Variants in IBA57 observed in about 807,000 individuals in gnomAD.
IBA57 encodes iron-sulfur cluster assembly factor IBA57, also known as iron-sulfur cluster assembly factor IBA57, mitochondrial.
Under a neutral mutation model 20.4 loss-of-function variants are expected in IBA57, and 20 were observed. The ratio of observed to expected loss-of-function variants is 0.98; its 90% CI spans 0.69 to 1.42. The LOEUF is 1.42. Ranked by LOEUF, IBA57 falls within the 40% of genes most tolerant of loss-of-function variation. IBA57 has a pLI of 0.00. For synonymous variants in IBA57, 310 were observed against 233.9 expected, an observed-to-expected ratio of 1.33 and a Z score of -2.97; for missense variants, 608 against 499.3, an observed-to-expected ratio of 1.22 and a Z score of -2.07.
At position 228,167,609 on chromosome 1, in the gene IBA57, G is replaced by A. The variant is rs539039834; in HGVS notation, c.341+1452G>A. Among the ~76,000 whole-genome samples the A allele has an allele frequency of 4.5e-4, 68 of 152,172 alleles. No individual in the cohort carries two copies. In the South Asian group the frequency reaches 0.012, roughly 27 times the overall value. ...TGACCTCAGGTGATCCACCCGCCTC[G>A]GCCTCCCAAAGTGCAGGGATTACAG... On this transcript the variant is annotated intron_variant, in intron 1 of 2. Coordinates refer to ENST00000366711, the MANE Select transcript of IBA57 (RefSeq NM_001010867.4).
chr1:228,174,832 C>T lies in IBA57; in HGVS notation c.482C>T (p.Ala161Val), dbSNP rs777829025. ...CCGCACCCGGAGCTGCGAGTGTGGG[C>T]GGTGTTGCCCAGTTCCCCTGAGGCC... is the stretch of plus-strand genomic sequence containing the variant. ...VEPHPELRVW[A>V]VLPSSPEACG... The change falls in exon 2 of 3, where the codon GCG (alanine) becomes GTG (valine). Residue 161 changes from alanine to valine, a missense_variant. Physicochemically the swap from Ala to Val is moderately conservative, Grantham distance 64. Coordinates refer to ENST00000366711, the MANE Select transcript of IBA57 (RefSeq NM_001010867.4). 2 of 1,610,202 alleles carry T rather than the reference C, an allele frequency of 1.2e-6. No homozygotes were observed. The highest frequency in any genetic ancestry group is 8.5e-7 in the Non-Finnish European group (1 of 1,179,126).
rs191426321 is a variant in IBA57 at position 228,176,002 on chromosome 1, A to G, written c.*489A>G. On this transcript the variant is annotated 3_prime_UTR_variant, in exon 3 of 3. Transcript: ENST00000366711. ...TTCCAGCATGTCTCAGGGTGGGGCT[A>G]TGCGTGGTCTAGAGGGGTCTGGGGC... The G allele has an allele frequency of 9.2e-4, 146 of 158,432 alleles. 2 individuals carry two copies. In the East Asian group the frequency reaches 0.015, roughly 17 times the overall value. 9.8% of individuals were successfully genotyped at this position (158,432 alleles called of 1,614,324 possible). A position where few individuals can be genotyped will look rare whatever the true frequency, so the allele number is the denominator to read the frequency against.
Position 228,170,307 on chromosome 1 carries a change from G to T in IBA57, c.341+4150G>T, listed in dbSNP as rs1217808270. On this transcript the variant is annotated intron_variant, in intron 1 of 2. Coordinates refer to ENST00000366711, the MANE Select transcript of IBA57 (RefSeq NM_001010867.4). This position sits in a 1 kb window ranked among gnomAD's most constrained non-coding sequence, Gnocchi z 4.8. ...ATAAAGCTGCTGTAAACATCCATGT[G>T]CAGATTTTCATATGGGTCTGAGTTT... Among the ~76,000 whole-genome samples, 1 of 152,188 alleles carries T rather than the reference G, an allele frequency of 6.6e-6. No individual in the cohort carries two copies. The highest frequency in any genetic ancestry group is 1.5e-5 in the Non-Finnish European group (1 of 68,040).
At position 228,166,150 on chromosome 1, in the gene IBA57, T is replaced by G. The variant is rs1285160930; in HGVS notation, c.334T>G (p.Leu112Val). ...VQGRTLYDVILYGLQEHSEVS... is the reference protein window; with the variant it reads ...VQGRTLYDVIVYGLQEHSEVS... Reference sequence around the variant, plus strand: ...GGGCCGGACGCTCTATGACGTCATCTTGTACGGGTGAGCGCGTGCTGGGAG... The same window carrying G: ...GGGCCGGACGCTCTATGACGTCATCGTGTACGGGTGAGCGCGTGCTGGGAG... Residue 112 changes from leucine (L) to valine (V), a missense_variant, in exon 1 of 3, where the codon TTG becomes GTG. Physicochemically the swap from Leu to Val is conservative, Grantham distance 32 (BLOSUM62 1). Transcript: ENST00000366711. 3.3e-6 allele frequency: 5 copies of G among 1,507,116 alleles called. No individual in the cohort carries two copies. Among genetic ancestry groups the G allele is most frequent in the East Asian group, 2.6e-5 (1 of 38,152 alleles). The allele number at this position is 1,507,116 out of a possible 1,614,324, so 93.4% of individuals were successfully genotyped here. A position where few individuals can be genotyped will look rare whatever the true frequency, so the allele number is the denominator to read the frequency against.
In IBA57 at chr1:228,175,595, T is replaced by C. The variant is rs901321996; in HGVS notation, c.*82T>C. On this transcript the variant is annotated 3_prime_UTR_variant, in exon 3 of 3. Coordinates refer to ENST00000366711, the MANE Select transcript of IBA57 (RefSeq NM_001010867.4). The stretch of plus-strand genomic sequence containing the variant: ...CTCTGTCCAGGGTCTTCCCGTCCCA[T>C]CTGTCTGCTGCGCCTACTGGGTGGG... 6.8e-7 allele frequency: 1 copy of C among 1,468,164 alleles called. No individual in the cohort carries two copies. The highest frequency in any genetic ancestry group is 2.4e-5 in the Admixed American group (1 of 42,238). The allele number at this position is 1,468,164 out of a possible 1,614,324, so 90.9% of individuals were successfully genotyped here.
At chr1:228,174,062 G>C (rs1169228750) in intron 1 of IBA57, among the ~76,000 whole-genome samples, 1 of 152,058 alleles carries the variant, frequency 6.6e-6, no homozygotes, top group Non-Finnish European at 1.5e-5. Flanking sequence ...GGTCTCCAAG[G>C]TGCCCGCATC....
chr1:228,165,893 C>T lies in IBA57; in HGVS notation c.77C>T (p.Ala26Val), dbSNP rs751211990. The T allele has an allele frequency of 7.9e-6, 11 of 1,400,606 alleles. No homozygotes were observed. In the African/African-American group the frequency reaches 1.2e-4, roughly 15 times the overall value. The allele number at this position is 1,400,606 out of a possible 1,614,324, so 86.8% of individuals were successfully genotyped here. A position where few individuals can be genotyped will look rare whatever the true frequency, so the allele number is the denominator to read the frequency against. Reference protein sequence around the residue: ...GPVWRWRLRAAPRCRLAHSSC... With the variant: ...GPVWRWRLRAVPRCRLAHSSC... ...GTCTGGCGCTGGCGGCTGCGCGCGG[C>T]CCCAAGGTGCCGCCTGGCCCACAGC... The change falls in exon 1 of 3, where the codon GCC becomes GTC. Residue 26 changes from alanine (A) to valine (V), a missense_variant. Coordinates refer to ENST00000366711, the MANE Select transcript of IBA57 (RefSeq NM_001010867.4).
chr1:228,179,271 GA>G lies in IBA57; in HGVS notation c.*3762del, dbSNP rs2124980106. The G allele has an allele frequency of 6.6e-6, 1 of 152,102 alleles. No homozygotes were observed. Among genetic ancestry groups the G allele is most frequent in the East Asian group, 1.9e-4 (1 of 5,168 alleles). The allele number at this position is 152,102 out of a possible 1,614,324, so 9.4% of individuals were successfully genotyped here. ...AATGAGGATGTTTAATATATTTAAAGAAAACAATTTATGCACAGGAAGCAAG... is the reference window on the plus strand; with the variant it reads ...AATGAGGATGTTTAATATATTTAAAGAAACAATTTATGCACAGGAAGCAAG... On this transcript the variant is annotated 3_prime_UTR_variant, in exon 3 of 3. Coordinates refer to ENST00000366711, the MANE Select transcript of IBA57 (RefSeq NM_001010867.4).
chr1:228,174,743 G>T lies in IBA57; in HGVS notation c.393G>T (p.Ser131=). 6.2e-7 allele frequency: 1 copy of T among 1,602,846 alleles called. No individual in the cohort carries two copies. Among genetic ancestry groups the T allele is most frequent in the Non-Finnish European group, 8.5e-7 (1 of 1,176,644 alleles). The change falls in exon 2 of 3, where the codon TCG becomes TCT. Residue 131 remains serine (S), a synonymous_variant. Coordinates refer to ENST00000366711, the MANE Select transcript of IBA57 (RefSeq NM_001010867.4). ...VSGFLLECDS[S]VQGALQKHLA... ...GCTTCCTTCTGGAGTGTGACAGCTCGGTGCAGGGCGCGCTGCAGAAGCACC... is the reference window on the plus strand; with the variant it reads ...GCTTCCTTCTGGAGTGTGACAGCTCTGTGCAGGGCGCGCTGCAGAAGCACC...
intron 1 of IBA57, among the ~76,000 whole-genome samples, chr1:228,167,332 G>C (rs2034866749): frequency 6.7e-6 from 1 of 149,944 alleles, no homozygotes; most frequent in East Asian, 2.0e-4. Flanking sequence ...CCCACCCGTT[G>C]GATTCCAGGT....
Position 228,181,767 on chromosome 1 carries a change from C to G in IBA57, c.*6254C>G, listed in dbSNP as rs1335522898. The G allele has an allele frequency of 4.6e-5, 7 of 152,252 alleles. No individual in the cohort carries two copies. The highest frequency in any genetic ancestry group is 7.2e-5 in the African/African-American group (3 of 41,460). The allele number at this position is 152,252 out of a possible 1,614,324, so 9.4% of individuals were successfully genotyped here. ...TTGTCATACTGCGTCCTCGCCAGCG[C>G]TTGGTGCTGTCAGTCTTCTTAGTTT... On this transcript the variant is annotated 3_prime_UTR_variant, in exon 3 of 3. Transcript: ENST00000366711.
At chr1:228,174,463 C>T (rs1434567566) in intron 1 of IBA57, 3 of 253,972 alleles carry the variant, frequency 1.2e-5, no homozygotes, top group Non-Finnish European at 2.0e-5. Context: ...GGGCGTGGCT[C>T]GCTGTGGGCG....
Position 228,174,804 on chromosome 1 carries a change from G to C in IBA57, c.454G>C (p.Glu152Gln). The C allele has an allele frequency of 1.2e-6, 2 of 1,610,990 alleles. No individual in the cohort carries two copies. Among genetic ancestry groups the C allele is most frequent in the Non-Finnish European group, 1.7e-6 (2 of 1,179,458 alleles). ...LYRIRRKVTVEPHPELRVWAV... is the reference protein window; with the variant it reads ...LYRIRRKVTVQPHPELRVWAV... ...CAGGATCCGGCGGAAGGTCACGGTG[G>C]AGCCGCACCCGGAGCTGCGAGTGTG... Residue 152 changes from glutamate to glutamine, a missense_variant, in exon 2 of 3, where the codon GAG (glutamate) becomes CAG (glutamine). Glu to Gln is a conservative substitution (Grantham distance 29). Transcript: ENST00000366711.
Position 228,179,010 on chromosome 1 carries a change from G to A in IBA57, c.*3497G>A, listed in dbSNP as rs1325658729. The A allele has an allele frequency of 2.0e-5, 3 of 152,216 alleles. No homozygotes were observed. Among genetic ancestry groups the A allele is most frequent in the Non-Finnish European group, 4.4e-5 (3 of 68,068 alleles). The allele number at this position is 152,216 out of a possible 1,614,324, so 9.4% of individuals were successfully genotyped here. ...TCTGGACTGGTGAGGCTGCATTGCG[G>A]AGGCGCGCACACCCAGCTGGGCCCT... On this transcript the variant is annotated 3_prime_UTR_variant, in exon 3 of 3. Transcript: ENST00000366711.
rs943304661 is a variant in IBA57 at position 228,174,570 on chromosome 1, A to G, written c.342-122A>G. 3.3e-6 allele frequency: 3 copies of G among 914,812 alleles called. No individual in the cohort carries two copies. In the African/African-American group the frequency reaches 5.1e-5, roughly 16 times the overall value. 56.7% of individuals were successfully genotyped at this position (914,812 alleles called of 1,614,324 possible). On this transcript the variant is annotated intron_variant, in intron 1 of 2. Transcript: ENST00000366711. ...GGCGCAGCCCCTTGTGGCTGAGGGC[A>G]GAGCTCTTTGCGTTGGTCCACGGTG...
chr1:228,175,562 C>T lies in IBA57; in HGVS notation c.*49C>T. 1 of 1,516,422 alleles carries T rather than the reference C, an allele frequency of 6.6e-7. No homozygotes were observed. Among genetic ancestry groups the T allele is most frequent in the Non-Finnish European group, 8.8e-7 (1 of 1,133,586 alleles). The allele number at this position is 1,516,422 out of a possible 1,614,324, so 93.9% of individuals were successfully genotyped here. ...CTGATGGGGAGGCTGGGGCCTGGGG[C>T]CTTTGGCCTCTGTCCAGGGTCTTCC... On this transcript the variant is annotated 3_prime_UTR_variant, in exon 3 of 3. Coordinates refer to ENST00000366711, the MANE Select transcript of IBA57 (RefSeq NM_001010867.4).
Position 228,165,853 on chromosome 1 carries a change from G to A in IBA57, c.37G>A (p.Gly13Arg), listed in dbSNP as rs1388043970. Residue 13 changes from glycine to arginine, a missense_variant, in exon 1 of 3, where the codon GGG becomes AGG. Physicochemically the swap from Gly to Arg is moderately radical, Grantham distance 125. Transcript: ENST00000366711. ...GGCGCTGCTTCGAGGCGCCACTCCG[G>A]GGCGCGGCGGCCCGGTCTGGCGCTG... ...TAALLRGATP[G>R]RGGPVWRWRL... 6.9e-6 allele frequency: 9 copies of A among 1,307,888 alleles called. No homozygotes were observed. Among genetic ancestry groups the A allele is most frequent in the Non-Finnish European group, 8.7e-6 (9 of 1,034,462 alleles). 81.0% of individuals were successfully genotyped at this position (1,307,888 alleles called of 1,614,324 possible). A position where few individuals can be genotyped will look rare whatever the true frequency, so the allele number is the denominator to read the frequency against.
Position 228,174,767 on chromosome 1 carries a change from C to G in IBA57, c.417C>G (p.His139Gln). ...DSSVQGALQK[H>Q]LALYRIRRKV... ...CGGTGCAGGGCGCGCTGCAGAAGCACCTCGCGCTATACAGGATCCGGCGGA... is the reference window on the plus strand; with the variant it reads ...CGGTGCAGGGCGCGCTGCAGAAGCAGCTCGCGCTATACAGGATCCGGCGGA... The change falls in exon 2 of 3, where the codon CAC becomes CAG. Residue 139 changes from histidine (H) to glutamine (Q), a missense_variant. His to Gln is a conservative substitution (Grantham distance 24). Coordinates refer to ENST00000366711, the MANE Select transcript of IBA57 (RefSeq NM_001010867.4). 6.2e-7 allele frequency: 1 copy of G among 1,610,132 alleles called. No individual in the cohort carries two copies. The highest frequency in any genetic ancestry group is 8.5e-7 in the Non-Finnish European group (1 of 1,179,580).
rs777000537 is a variant in IBA57, at chr1:228,174,886, C to T, written c.536C>T (p.Ala179Val). 7 of 1,605,978 alleles carry T rather than the reference C, an allele frequency of 4.4e-6. No homozygotes were observed. The highest frequency in any genetic ancestry group is 5.9e-6 in the Non-Finnish European group (7 of 1,176,870). ...ACGAASLQER[A>V]GAAAILIRDP... ...GGGGCTGCATCGCTGCAGGAGAGGG[C>T]AGGGGCTGCCGCCATCCTCATCCGC... The change falls in exon 2 of 3, where the codon GCA becomes GTA. Residue 179 changes from alanine (A) to valine (V), a missense_variant. Coordinates refer to ENST00000366711, the MANE Select transcript of IBA57 (RefSeq NM_001010867.4).
Sources: allele counts gnomAD v4.1 joint callset (sites outside exome capture counted in the v4.1 genomes callset), GRCh38; gene constraint gnomAD v4.1.1; non-coding constraint Gnocchi (gnomAD v3.1); transcripts MANE v1.5; gene names NCBI Gene and HGNC (gene_info 2026-07-23, HGNC 2026-07-21).